Variants in WDR4 observed in about 807,000 individuals in gnomAD.
WDR4 encodes tRNA (guanine-N(7)-)-methyltransferase non-catalytic subunit WDR4.
A neutral mutation model predicts 48.6 loss-of-function variants in WDR4; 47 were observed. The observed-to-expected ratio is 0.97, with a 90% CI of 0.77 to 1.23. The LOEUF (loss-of-function observed/expected upper bound fraction) is 1.23. Among genes scored for constraint, WDR4 ranks in the 50% most tolerant of loss-of-function variants. The pLI, the probability that WDR4 is intolerant of heterozygous loss-of-function variation, is 0.00. For missense variants in WDR4, 606 were observed against 551.6 expected (o/e 1.10, Z -0.99); for synonymous variants, 268 against 230.0 (o/e 1.17, Z -1.49).
downstream of WDR4, among the ~76,000 whole-genome samples, chr21:42,846,408 G>A (rs2057711720): frequency 6.6e-6 from 1 of 152,310 alleles, no homozygotes; most frequent in South Asian, 2.1e-4. Context: ...TGCCTAGAAG[G>A]GAACATGGGC....
chr21:42,886,176 C>T, the WDR4 span, among the ~76,000 whole-genome samples: 1 of 152,086 alleles, frequency 6.6e-6, no homozygotes, highest in Non-Finnish European at 1.5e-5. Context: ...AGGCTGGTCT[C>T]GAACTCCTGA....
At chr21:42,856,351 G>GA (rs1273266758) in intron 6 of WDR4, among the ~76,000 whole-genome samples, 2 of 152,100 alleles carry the variant, frequency 1.3e-5, no homozygotes, top group Non-Finnish European at 2.9e-5. Flanking sequence ...ATCATCAATG[G>GA]AAAAAAGCGT....
At chr21:42,867,771 G>C (rs1289690041) in intron 3 of WDR4, among the ~76,000 whole-genome samples, 2 of 151,660 alleles carry the variant, frequency 1.3e-5, no homozygotes, top group Non-Finnish European at 2.9e-5. Context: ...CTATGTTGAG[G>C]CCAGACTGGC....
chr21:42,853,555 G>A lies in WDR4; in HGVS notation c.975+14C>T, dbSNP rs1306890987. On this transcript the variant is annotated intron_variant, in intron 9 of 10. Coordinates refer to ENST00000398208, the MANE Select transcript of WDR4 (RefSeq NM_018669.6). ...AGGCAGGGCATAGGACATCTGGAAG[G>A]TGCCGAGTCTCACCTGCCACTGGTC... The A allele has an allele frequency of 3.1e-6, 5 of 1,602,716 alleles. No individual in the cohort carries two copies. The Admixed American group carries it at 6.8e-5, about 22-fold the overall frequency.
intron 10 of WDR4, among the ~76,000 whole-genome samples, chr21:42,851,001 T>G (rs1216395844): frequency 3.3e-5 from 5 of 152,150 alleles, no homozygotes. Context: ...CCAGCGACTC[T>G]GCTGCTTGTG....
At chr21:42,844,725 T>C (rs1386189371), downstream of WDR4, among the ~76,000 whole-genome samples, 1 of 152,116 alleles carries the variant, frequency 6.6e-6, no homozygotes, top group East Asian at 1.9e-4. Context: ...AAGCTCTCCC[T>C]GGGGCAGGAG....
chr21:42,855,601 G>A (rs898753690), intron 7 of WDR4, 81 bp downstream of exon 7: 20 of 1,100,526 alleles, frequency 1.8e-5, no homozygotes, highest in African/African-American at 1.7e-4. Flanking sequence ...TTCCAACGGC[G>A]AAGTGACTTT....
In WDR4 at chr21:42,868,396, C is replaced by T. The variant is rs147169993; in HGVS notation, c.297-4800G>A. ...TCTGGCAACCTCAGAACTTCACAGC[C>T]GCAGCACTGTCCAGACTTGAAAGAG... On this transcript the variant is annotated intron_variant, in intron 3 of 10. Coordinates refer to ENST00000398208, the MANE Select transcript of WDR4 (RefSeq NM_018669.6). Among the ~76,000 whole-genome samples, 580 of 152,284 alleles carry T rather than the reference C, an allele frequency of 3.8e-3. 4 individuals are homozygous for T. Among genetic ancestry groups the T allele is most frequent in the African/African-American group, 0.013 (532 of 41,544 alleles).
At chr21:42,888,699 ATT>A in the WDR4 span, among the ~76,000 whole-genome samples, 25 of 140,334 alleles carry the variant, frequency 1.8e-4, no homozygotes, top group Non-Finnish European at 2.2e-4. Context: ...AAGGTTTATA[ATT>A]TTTTTTTTTT....
At chr21:42,853,869 T>C in intron 8 of WDR4, 117 bp from the exon 9 acceptor site, 2 of 1,148,762 alleles carry the variant, frequency 1.7e-6, no homozygotes, top group Non-Finnish European at 2.4e-6. Flanking sequence ...GAGCCTACGC[T>C]GAAAGCCCCA....
the WDR4 span, among the ~76,000 whole-genome samples, chr21:42,886,281 G>A: frequency 3.5e-4 from 53 of 152,066 alleles, no homozygotes; most frequent in Non-Finnish European, 5.6e-4. Context: ...GAACATTCAC[G>A]TTTACAATAT....
At chr21:42,867,328 T>C (rs1601158039) in intron 3 of WDR4, among the ~76,000 whole-genome samples, 1 of 149,964 alleles carries the variant, frequency 6.7e-6, no homozygotes, top group African/African-American at 2.5e-5. Context: ...GAGGTGGAGG[T>C]TGCAGTGAGC....
downstream of WDR4, among the ~76,000 whole-genome samples, chr21:42,846,463 T>A (rs9975526): frequency 0.24 from 36,338 of 152,050 alleles, 5,452 homozygotes; most frequent in African/African-American, 0.44. Context: ...TTCTCGTGGG[T>A]AGTCACACAC....
At chr21:42,853,087 A>G (rs532390277) in intron 9 of WDR4, among the ~76,000 whole-genome samples, 6 of 152,228 alleles carry the variant, frequency 3.9e-5, no homozygotes, top group Admixed American at 3.3e-4. Context: ...CCAGCAAGGA[A>G]GCAGCTCGGC....
chr21:42,885,498 T>C, the WDR4 span, among the ~76,000 whole-genome samples: 2 of 151,992 alleles, frequency 1.3e-5, no homozygotes, highest in African/African-American at 4.8e-5. Context: ...TAATCCCAGC[T>C]ACTCTGGAGG....
chr21:42,863,490 G>C lies in WDR4; in HGVS notation c.403C>G (p.His135Asp). The C allele has an allele frequency of 6.2e-7, 1 of 1,613,872 alleles. No individual in the cohort carries two copies. Among genetic ancestry groups the C allele is most frequent in the Non-Finnish European group, 8.5e-7 (1 of 1,179,956 alleles). Residue 135 changes from histidine (H) to aspartate (D), a missense_variant, in exon 4 of 11, where the codon CAC becomes GAC. By Grantham distance (81) the His-to-Asp change is moderately conservative (BLOSUM62 -1). Transcript: ENST00000398208. ...CCCAGCTCTAGACGGCCACACCCGT[G>C]TGGCTCCAGCACCGAAAAGGAGTAG... is the stretch of plus-strand genomic sequence containing the variant. ...DVYSFSVLEP[H>D]GCGRLELGHL...
chr21:42,876,869 A>C, intron 1 of WDR4, 102 bp from the exon 2 acceptor site: 1 of 1,073,796 alleles, frequency 9.3e-7, no homozygotes, highest in East Asian at 2.8e-5. Context: ...TCCAGGCTCC[A>C]GTACAATGGC....
chr21:42,852,555 C>T (rs978108417), intron 9 of WDR4, among the ~76,000 whole-genome samples: 5 of 152,188 alleles, frequency 3.3e-5, no homozygotes, highest in East Asian at 3.9e-4. Context: ...CCAGCAGGTG[C>T]GACAGGCACC....
chr21:42,846,036 G>A (rs1285772306), downstream of WDR4, among the ~76,000 whole-genome samples: 5 of 152,134 alleles, frequency 3.3e-5, no homozygotes, highest in South Asian at 2.1e-4. Context: ...GGAGACTGAG[G>A]TGGGAGGATC....
Sources: allele counts gnomAD v4.1 joint callset (sites outside exome capture counted in the v4.1 genomes callset), GRCh38; gene constraint gnomAD v4.1.1; transcripts MANE v1.5; gene names NCBI Gene and HGNC (gene_info 2026-07-23, HGNC 2026-07-21).